Variants in MTDH observed in about 807,000 individuals in gnomAD.
MTDH encodes metadherin, also known as protein LYRIC.
MTDH carries 34 observed loss-of-function variants against 72.7 expected under a neutral mutation model. That is an observed-to-expected ratio of 0.47 (90% confidence interval 0.36 to 0.62). MTDH has a LOEUF of 0.62. Ranked by LOEUF, MTDH falls within the 20% of genes least tolerant of loss-of-function variation. The probability of loss-of-function intolerance (pLI) is 0.00; values close to 1 mark genes in which losing one functional copy is unlikely to be tolerated. For missense variants in MTDH, 677 were observed against 699.4 expected, an observed-to-expected ratio of 0.97 and a Z score of 0.36; for synonymous variants, 266 against 268.9, an observed-to-expected ratio of 0.99 and a Z score of 0.10.
chr8:97,729,887 A>C lies in MTDH; in HGVS notation c.*5217A>C, dbSNP rs936142725. 1.3e-5 allele frequency among the ~76,000 whole-genome samples: 2 copies of C among 152,214 alleles called. No individual in the cohort carries two copies. The highest frequency in any genetic ancestry group is 2.9e-5 in the Non-Finnish European group (2 of 68,036). On this transcript the variant is annotated 3_prime_UTR_variant, in exon 12 of 12. Coordinates refer to ENST00000336273, the MANE Select transcript of MTDH (RefSeq NM_178812.4). ...GAGAAACTTAGTAGCCTGCCTGCGC[A>C]TACTGCAAGTACAGACTATATAACA...
At chr8:97,720,799 G>A (rs1405042916) in intron 10 of MTDH, among the ~76,000 whole-genome samples, 4 of 151,240 alleles carry the variant, frequency 2.6e-5, no homozygotes, top group Non-Finnish European at 5.9e-5. Context: ...GATTACAGGT[G>A]CACGCCACCA....
rs369719941 is a variant in MTDH, at chr8:97,683,979, C to T, written c.484-2689C>T. Among the ~76,000 whole-genome samples the T allele has an allele frequency of 1.4e-4, 21 of 152,090 alleles. No individual in the cohort carries two copies. In the East Asian group the frequency reaches 1.6e-3, roughly 11 times the overall value. On this transcript the variant is annotated intron_variant, in intron 2 of 11. Coordinates refer to ENST00000336273, the MANE Select transcript of MTDH (RefSeq NM_178812.4). ...ATACAAAATTAGCTGGGCATGGTAG[C>T]GCATGCCTGTAATCCCAGCTTCTCA... is the stretch of plus-strand genomic sequence containing the variant.
Position 97,723,029 on chromosome 8 carries a change from T to C in MTDH, c.1672T>C (p.Ser558Pro). Residue 558 changes from serine (S) to proline (P), a missense_variant, in exon 11 of 12, where the codon TCA becomes CCA. Coordinates refer to ENST00000336273, the MANE Select transcript of MTDH (RefSeq NM_178812.4). ...TACCAAGCAAAATAGTGTGCCTCCT[T>C]CACAGAGTAAGTAATCCTCATTTTT... ...SNTKQNSVPP[S>P]QTKSETSWES... 6.2e-7 allele frequency: 1 copy of C among 1,613,544 alleles called. No individual in the cohort carries two copies. Among genetic ancestry groups the C allele is most frequent in the South Asian group, 1.1e-5 (1 of 90,922 alleles).
chr8:97,671,857 AATG>A (rs1812639156), intron 2 of MTDH, among the ~76,000 whole-genome samples: 1 of 152,152 alleles, frequency 6.6e-6, no homozygotes, highest in Non-Finnish European at 1.5e-5. Flanking sequence ...TAATAATAAT[AATG>A]GCTCTTAATG....
chr8:97,681,580 G>A (rs1251849088), intron 2 of MTDH, among the ~76,000 whole-genome samples: 6 of 141,114 alleles, frequency 4.3e-5, no homozygotes, highest in South Asian at 2.3e-4. Flanking sequence ...TGCAACCTCC[G>A]CCTCCCGGGT....
intron 9 of MTDH, among the ~76,000 whole-genome samples, 166 bp downstream of exon 9, chr8:97,713,935 A>C (rs1473988676): frequency 6.6e-6 from 1 of 152,244 alleles, no homozygotes; most frequent in African/African-American, 2.4e-5. Flanking sequence ...ATTGTAATAA[A>C]AATGTTATTG....
In MTDH at chr8:97,644,787, C is replaced by G. The variant is rs963628652; in HGVS notation, c.281C>G (p.Ala94Gly). 1 of 1,547,410 alleles carries G rather than the reference C, an allele frequency of 6.5e-7. No individual in the cohort carries two copies. Among genetic ancestry groups the G allele is most frequent in the Non-Finnish European group, 8.6e-7 (1 of 1,157,264 alleles). ...CCCCGCAAGCGGGAGGAGGCGGCGG[C>G]CGTGCCGGCCGCGGCCCCCGACGAC... ...SPPRKREEAA[A>G]VPAAAPDDLA... is the part of the protein sequence containing the mutation. Residue 94 changes from alanine to glycine, a missense_variant, in exon 1 of 12, where the codon GCC becomes GGC. Transcript: ENST00000336273.
At chr8:97,647,937 C>T (rs1307467311) in intron 1 of MTDH, among the ~76,000 whole-genome samples, 2 of 149,638 alleles carry the variant, frequency 1.3e-5, no homozygotes, top group Non-Finnish European at 3.0e-5. Flanking sequence ...CAGCAAGACT[C>T]TGTCTCCTAA....
chr8:97,717,623 C>T (rs1437637029), intron 9 of MTDH, among the ~76,000 whole-genome samples: 3 of 43,108 alleles, frequency 7.0e-5, no homozygotes, highest in South Asian at 2.7e-3. Context: ...AAATTTTTAT[C>T]CCCCCCCCCC....
At chr8:97,716,256 T>G (rs1814864792) in intron 9 of MTDH, among the ~76,000 whole-genome samples, 1 of 152,022 alleles carries the variant, frequency 6.6e-6, no homozygotes, top group Non-Finnish European at 1.5e-5. Flanking sequence ...CATGGTTGCA[T>G]GCACCTGTAA....
intron 7 of MTDH, among the ~76,000 whole-genome samples, chr8:97,701,419 G>GA (rs575592178): frequency 1.3e-5 from 2 of 151,718 alleles, no homozygotes; most frequent in South Asian, 2.1e-4. Context: ...ATAATGACAA[G>GA]AAAAAAAAGT....
At chr8:97,673,667 G>T (rs899327864) in intron 2 of MTDH, among the ~76,000 whole-genome samples, 3 of 148,532 alleles carry the variant, frequency 2.0e-5, no homozygotes, top group African/African-American at 7.5e-5. Flanking sequence ...TCTTGGGCGG[G>T]GCGGGGAAGG....
At position 97,729,282 on chromosome 8, in the gene MTDH, A is replaced by G. The variant is rs541728541; in HGVS notation, c.*4612A>G. Among the ~76,000 whole-genome samples the G allele has an allele frequency of 2.0e-5, 3 of 152,008 alleles. 1 individual carries two copies. The highest frequency in any genetic ancestry group is 6.6e-5 in the Admixed American group (1 of 15,226). ...CAGCTGCTCTAGCTAGAAACTTCCTATCGGCATCTGAGCCAGCTGGTAGAG... is the reference window on the plus strand; with the variant it reads ...CAGCTGCTCTAGCTAGAAACTTCCTGTCGGCATCTGAGCCAGCTGGTAGAG... On this transcript the variant is annotated 3_prime_UTR_variant, in exon 12 of 12. Coordinates refer to ENST00000336273, the MANE Select transcript of MTDH (RefSeq NM_178812.4).
rs906071330 is a variant in MTDH at position 97,728,440 on chromosome 8, C to T, written c.*3770C>T. The T allele has an allele frequency of 3.3e-5, 5 of 152,132 alleles. No homozygotes were observed. Among genetic ancestry groups the T allele is most frequent in the Admixed American group, 1.3e-4 (2 of 15,254 alleles). The allele number at this position is 152,132 out of a possible 1,614,324, so 9.4% of individuals were successfully genotyped here. On this transcript the variant is annotated 3_prime_UTR_variant, in exon 12 of 12. Transcript: ENST00000336273. ...TGAAAATGTCACTGTTTGTGACACA[C>T]AATGTTCTCTACAGAAAACTTCTTC...
At chr8:97,720,509 G>A (rs1360774797) in intron 10 of MTDH, among the ~76,000 whole-genome samples, 3 of 151,786 alleles carry the variant, frequency 2.0e-5, no homozygotes, top group Admixed American at 6.6e-5. Flanking sequence ...CCAGGAGGTC[G>A]AGGCTGCAGT....
intron 2 of MTDH, among the ~76,000 whole-genome samples, chr8:97,672,434 T>G (rs926520021): frequency 2.0e-5 from 3 of 152,214 alleles, no homozygotes; most frequent in Non-Finnish European, 4.4e-5. Flanking sequence ...GAATTTATAG[T>G]TTCATGATTT....
chr8:97,687,800 C>T (rs1437291717), intron 4 of MTDH, among the ~76,000 whole-genome samples, 195 bp downstream of exon 4: 2 of 152,184 alleles, frequency 1.3e-5, no homozygotes, highest in African/African-American at 4.8e-5. Flanking sequence ...TACGTATTGC[C>T]TAATGACTGG....
At chr8:97,658,809 A>G (rs1048115718) in intron 1 of MTDH, among the ~76,000 whole-genome samples, 1 of 152,184 alleles carries the variant, frequency 6.6e-6, no homozygotes, top group Non-Finnish European at 1.5e-5. Flanking sequence ...GTTTGGCCAG[A>G]GAAGATAGCA....
intron 1 of MTDH, among the ~76,000 whole-genome samples, chr8:97,647,930 C>T (rs1212462250): frequency 6.8e-6 from 1 of 146,234 alleles, no homozygotes; most frequent in Admixed American, 6.9e-5. Flanking sequence ...GGCAACACAG[C>T]AAGACTCTGT....
Sources: gnomAD v4.1 joint callset for allele counts (sites outside exome capture counted in the v4.1 genomes callset) on GRCh38, gnomAD v4.1.1 for gene constraint, MANE v1.5 for transcripts, NCBI Gene and HGNC (gene_info 2026-07-23, HGNC 2026-07-21) for gene names.